ZFAT: variants seen among roughly 807,000 people sequenced by gnomAD.
ZFAT encodes zinc finger protein ZFAT.
A neutral mutation model predicts 117.7 loss-of-function variants in ZFAT; 64 were observed. That is an observed-to-expected ratio of 0.54 (90% CI 0.44 to 0.67). The LOEUF (loss-of-function observed/expected upper bound fraction) is 0.67, where lower values mean the gene tolerates loss of function less well. ZFAT is among the 30% of genes least tolerant of loss of function. ZFAT has a pLI of 0.00. For missense variants in ZFAT, 1,433 were observed against 1,584.5 expected (o/e 0.90, Z 1.62); for synonymous variants, 679 against 615.0 (o/e 1.10, Z -1.54).
intron 2 of ZFAT, among the ~76,000 whole-genome samples, chr8:134,644,667 T>C (rs1267320430): frequency 6.6e-6 from 1 of 151,588 alleles, no homozygotes; most frequent in African/African-American, 2.4e-5. Flanking sequence ...CACTTACACA[T>C]GTGCCCACAA....
At chr8:134,771,929 G>GCTC in the ZFAT span, among the ~76,000 whole-genome samples, 8 of 152,204 alleles carry the variant, frequency 5.3e-5, no homozygotes, top group African/African-American at 1.9e-4. Flanking sequence ...CAAAGAGAGA[G>GCTC]TTTGTTCAGT....
intron 3 of ZFAT, among the ~76,000 whole-genome samples, chr8:134,618,375 G>T (rs964944116): frequency 1.3e-5 from 2 of 152,142 alleles, no homozygotes; most frequent in South Asian, 4.1e-4. Flanking sequence ...GGCTGTCCTG[G>T]TATGTGTGGT....
chr8:134,567,896 C>T (rs1338978762), intron 10 of ZFAT, among the ~76,000 whole-genome samples: 1 of 152,238 alleles, frequency 6.6e-6, no homozygotes, highest in Non-Finnish European at 1.5e-5. Flanking sequence ...AAATTGAACA[C>T]TCTGGTAATT....
intron 7 of ZFAT, among the ~76,000 whole-genome samples, chr8:134,596,328 G>T (rs1826929081): frequency 6.6e-6 from 1 of 152,226 alleles, no homozygotes; most frequent in African/African-American, 2.4e-5. Context: ...GTCCACAGAC[G>T]TAGAGCCAGA....
At chr8:134,694,196 C>A (rs934118803) in intron 1 of ZFAT, among the ~76,000 whole-genome samples, 1 of 152,146 alleles carries the variant, frequency 6.6e-6, no homozygotes, top group African/African-American at 2.4e-5. Context: ...GAATGAGGCA[C>A]GTGGCTGAGG....
intron 11 of ZFAT, among the ~76,000 whole-genome samples, chr8:134,545,439 G>C (rs1404787706): frequency 2.0e-5 from 3 of 151,828 alleles, no homozygotes; most frequent in South Asian, 2.1e-4. Flanking sequence ...AGGATCCCTG[G>C]AGCCCAGGAG....
intron 10 of ZFAT, among the ~76,000 whole-genome samples, chr8:134,579,370 T>C (rs1216870537): frequency 6.6e-6 from 1 of 152,132 alleles, no homozygotes; most frequent in East Asian, 1.9e-4. Context: ...ACAATCGTGG[T>C]GAAAGGCACA....
intron 15 of ZFAT, among the ~76,000 whole-genome samples, chr8:134,494,517 A>C (rs1002452058): frequency 6.6e-6 from 1 of 151,992 alleles, no homozygotes; most frequent in African/African-American, 2.4e-5. Context: ...TAATTAAGCA[A>C]TCTGCTTCCA....
the ZFAT span, among the ~76,000 whole-genome samples, chr8:134,775,982 T>C: frequency 2.0e-5 from 3 of 152,252 alleles, no homozygotes; most frequent in Admixed American, 1.3e-4. Context: ...TACTGGATTT[T>C]ACACTCATCT....
chr8:134,541,175 G>GTA (rs1202850294), intron 11 of ZFAT, among the ~76,000 whole-genome samples: 1 of 152,204 alleles, frequency 6.6e-6, no homozygotes, highest in Non-Finnish European at 1.5e-5. Flanking sequence ...ATACTGAAAT[G>GTA]TAGTATTACT....
the ZFAT span, among the ~76,000 whole-genome samples, chr8:134,824,518 C>A: frequency 6.6e-6 from 1 of 152,138 alleles, no homozygotes; most frequent in Admixed American, 6.6e-5. Context: ...TGGTTGAAAC[C>A]GGGATGAAAT....
chr8:134,612,017 T>C (rs1183002829), intron 3 of ZFAT, among the ~76,000 whole-genome samples: 1 of 152,204 alleles, frequency 6.6e-6, no homozygotes, highest in East Asian at 1.9e-4. Context: ...ATGCACACTA[T>C]TTGAGAGCCA....
At chr8:134,496,176 T>G (rs1477309258) in intron 15 of ZFAT, among the ~76,000 whole-genome samples, 1 of 152,212 alleles carries the variant, frequency 6.6e-6, no homozygotes, top group Non-Finnish European at 1.5e-5. Flanking sequence ...TTTGCATAAT[T>G]AGGTATAATG....
the ZFAT span, among the ~76,000 whole-genome samples, chr8:134,821,794 A>C: frequency 6.6e-6 from 1 of 152,292 alleles, no homozygotes; most frequent in African/African-American, 2.4e-5. Context: ...TGAGGAGATC[A>C]AATTGGGTGT....
At chr8:134,560,314 G>A (rs1319909378) in intron 11 of ZFAT, among the ~76,000 whole-genome samples, 1 of 152,020 alleles carries the variant, frequency 6.6e-6, no homozygotes, top group African/African-American at 2.4e-5. Flanking sequence ...CATTTTCACA[G>A]GTTGTATGAA....
intron 1 of ZFAT, among the ~76,000 whole-genome samples, chr8:134,701,592 T>C (rs747930713): frequency 4.6e-5 from 7 of 152,256 alleles, no homozygotes; most frequent in Non-Finnish European, 1.0e-4. Flanking sequence ...CCATACTGTT[T>C]TCCACAGCAG....
At chr8:134,567,237 A>G (rs1824533320) in intron 10 of ZFAT, among the ~76,000 whole-genome samples, 1 of 152,150 alleles carries the variant, frequency 6.6e-6, no homozygotes, top group South Asian at 2.1e-4. Context: ...GATCACCTAC[A>G]TCAGATACCC....
At chr8:134,579,447 T>A (rs187935465) in intron 10 of ZFAT, among the ~76,000 whole-genome samples, 135 of 152,146 alleles carry the variant, frequency 8.9e-4, no homozygotes, top group African/African-American at 3.1e-3. Context: ...TATAAAACCA[T>A]CAGATCTCGT....
intron 3 of ZFAT, among the ~76,000 whole-genome samples, chr8:134,613,403 C>A (rs753133333): frequency 6.6e-5 from 10 of 152,236 alleles, no homozygotes; most frequent in Non-Finnish European, 1.2e-4. Context: ...TAGGAACACA[C>A]TGCAGAACCG....
Sources: gnomAD v4.1 joint callset for allele counts (sites outside exome capture counted in the v4.1 genomes callset) on GRCh38, gnomAD v4.1.1 for gene constraint, MANE v1.5 for transcripts, NCBI Gene and HGNC (gene_info 2026-07-23, HGNC 2026-07-21) for gene names.